Variants in CEACAM20 observed in about 807,000 individuals in gnomAD.
CEACAM20 encodes cell adhesion molecule CEACAM20.
In CEACAM20, 50 loss-of-function variants were observed where a neutral mutation model predicts 61.2. The observed-to-expected ratio is 0.82, with a 90% CI of 0.65 to 1.03. The LOEUF is 1.03. CEACAM20 is among the 50% of genes least tolerant of loss of function. CEACAM20 has a pLI of 0.00. For synonymous variants in CEACAM20, 282 were observed against 287.7 expected (o/e 0.98, Z 0.20); for missense variants, 683 against 736.4 (o/e 0.93, Z 0.84).
At chr19:44,510,541 A>G in intron 11 of CEACAM20, among the ~76,000 whole-genome samples, 1 of 58,206 alleles carries the variant, frequency 1.7e-5, no homozygotes. Flanking sequence ...GAAAGGAAGG[A>G]AGGAAGGAAA....
chr19:44,527,850 A>T (rs1396711690), intron 1 of CEACAM20, among the ~76,000 whole-genome samples: 2 of 152,180 alleles, frequency 1.3e-5, no homozygotes, highest in Non-Finnish European at 2.9e-5. Context: ...CTTCCAAAAT[A>T]CTTTTTTCAT....
chr19:44,525,056 A>T (rs780440995), intron 2 of CEACAM20, 45 bp downstream of exon 2: 1 of 1,598,674 alleles, frequency 6.3e-7, no homozygotes, highest in South Asian at 1.1e-5. Context: ...AGGGATCTCC[A>T]TGGAGGCAGA....
chr19:44,511,074 T>C lies in CEACAM20; in HGVS notation c.1693A>G (p.Arg565Gly). 6.2e-7 allele frequency: 1 copy of C among 1,613,978 alleles called. No individual in the cohort carries two copies. Among genetic ancestry groups the C allele is most frequent in the Non-Finnish European group, 8.5e-7 (1 of 1,179,872 alleles). The change falls in exon 11 of 12, where the codon AGA becomes GGA. Residue 565 changes from arginine to glycine, a missense_variant. Physicochemically the swap from Arg to Gly is moderately radical, Grantham distance 125. Coordinates refer to ENST00000614924, the MANE Select transcript of CEACAM20 (RefSeq NM_001102597.3). ...PPPKPLMPPLRLVSTVPKNME... is the reference protein window; with the variant it reads ...PPPKPLMPPLGLVSTVPKNME... ...TTTTTTGGCACAGTGGAGACCAATC[T>C]GAGTGGGGGCATCAGAGGTTTGGGT... is the stretch of plus-strand genomic sequence containing the variant.
chr19:44,519,578 T>G (rs1971291683), intron 5 of CEACAM20, among the ~76,000 whole-genome samples: 1 of 152,188 alleles, frequency 6.6e-6, no homozygotes, highest in South Asian at 2.1e-4. Context: ...TTTCGGTGGC[T>G]CAGGCAATAA....
At chr19:44,521,485 A>G (rs1479855264) in intron 4 of CEACAM20, among the ~76,000 whole-genome samples, 4 of 151,302 alleles carry the variant, frequency 2.6e-5, no homozygotes, top group African/African-American at 9.7e-5. Context: ...TGCGTTTTGT[A>G]TGTCATGTGT....
chr19:44,507,397 T>G (rs1970850011), intron 11 of CEACAM20, among the ~76,000 whole-genome samples: 1 of 152,230 alleles, frequency 6.6e-6, no homozygotes, highest in Non-Finnish European at 1.5e-5. Context: ...ATCTGATTCT[T>G]CTATGGAGAA....
Position 44,512,176 on chromosome 19 carries a change from G to T in CEACAM20, c.1514-98C>A, listed in dbSNP as rs1971022993. 3.5e-6 allele frequency: 3 copies of T among 869,548 alleles called. No homozygotes were observed. The South Asian group carries it at 4.4e-5, about 13-fold the overall frequency. 53.9% of individuals were successfully genotyped at this position (869,548 alleles called of 1,614,324 possible). On this transcript the variant is annotated intron_variant, in intron 8 of 11. Coordinates refer to ENST00000614924, the MANE Select transcript of CEACAM20 (RefSeq NM_001102597.3). ...CCCCTGACCCCAGGAAGGAAGTGCA[G>T]AAATCCTTCCCAGGACTCCCTGTCA...
intron 1 of CEACAM20, among the ~76,000 whole-genome samples, chr19:44,528,946 CTCTTTCTT>C (rs1187313589): frequency 7.7e-6 from 1 of 129,492 alleles, no homozygotes; most frequent in African/African-American, 3.0e-5. Flanking sequence ...CTGTATTTCT[CTCTTTCTT>C]TCTTTTTTTT....
chr19:44,512,814 T>C, intron 8 of CEACAM20, 54 bp downstream of exon 8: 1 of 1,483,702 alleles, frequency 6.7e-7, no homozygotes, highest in South Asian at 1.2e-5. Flanking sequence ...AGCACCAGCC[T>C]CTTCCCCAGC....
Position 44,513,442 on chromosome 19 carries a change from G to A in CEACAM20, c.1310-153C>T, listed in dbSNP as rs74817639. Among the ~76,000 whole-genome samples the A allele has an allele frequency of 4.8e-4, 50 of 103,426 alleles. 1 individual carries two copies. The South Asian group carries it at 0.016, about 33-fold the overall frequency. 67.9% of individuals were successfully genotyped at this position (103,426 alleles called of 152,430 possible). A position where few individuals can be genotyped will look rare whatever the true frequency, so the allele number is the denominator to read the frequency against. ...GTATCAGATTGTGGTTTTTGGTTTT[G>A]CTTTTTTTTTTTTTTTTTTCAGACA... is the stretch of plus-strand genomic sequence containing the variant. On this transcript the variant is annotated intron_variant, in intron 6 of 11. Coordinates refer to ENST00000614924, the MANE Select transcript of CEACAM20 (RefSeq NM_001102597.3).
intron 1 of CEACAM20, among the ~76,000 whole-genome samples, chr19:44,527,019 G>A (rs1246947445): frequency 1.3e-5 from 2 of 152,252 alleles, no homozygotes; most frequent in Admixed American, 1.3e-4. Flanking sequence ...CCCCAATGTG[G>A]CCCAAACACT....
chr19:44,507,614 G>A (rs760489649), intron 11 of CEACAM20, among the ~76,000 whole-genome samples: 1 of 152,166 alleles, frequency 6.6e-6, no homozygotes, highest in Non-Finnish European at 1.5e-5. Context: ...AGAGGCCCAG[G>A]AGTAATTTCT....
intron 1 of CEACAM20, among the ~76,000 whole-genome samples, chr19:44,528,154 TTTC>T (rs1052160822): frequency 8.7e-6 from 1 of 114,398 alleles, no homozygotes; most frequent in Admixed American, 9.0e-5. Context: ...CTTTTCTTTC[TTTC>T]TTTTCTTTCT....
intron 11 of CEACAM20, 29 bp from the exon 12 acceptor site, chr19:44,506,243 C>T (rs368316358): frequency 1.9e-6 from 3 of 1,607,456 alleles, no homozygotes; most frequent in Non-Finnish European, 2.6e-6. Flanking sequence ...ATGTGAGCTC[C>T]ATTTGCTAGG....
intron 5 of CEACAM20, among the ~76,000 whole-genome samples, chr19:44,518,134 G>GA (rs1971239279): frequency 9.5e-6 from 1 of 105,342 alleles, no homozygotes; most frequent in African/African-American, 4.4e-5. Flanking sequence ...AAGGAAGGAA[G>GA]GAAGGAAGGA....
chr19:44,522,993 A>C, intron 3 of CEACAM20, 81 bp from the exon 4 acceptor site: 1 of 1,204,950 alleles, frequency 8.3e-7, no homozygotes, highest in Non-Finnish European at 1.2e-6. Flanking sequence ...GGATCAATAA[A>C]TACTTTATTT....
In CEACAM20 at chr19:44,518,655, T is replaced by C. The variant is rs1315852129; in HGVS notation, c.1031-1431A>G. ...AAAATACTGGAAAGGATGCAAAAGG[T>C]TGCTAATTGAGACATTCTAGGAGGG... On this transcript the variant is annotated intron_variant, in intron 5 of 11. Coordinates refer to ENST00000614924, the MANE Select transcript of CEACAM20 (RefSeq NM_001102597.3). Among the ~76,000 whole-genome samples the C allele has an allele frequency of 2.6e-5, 4 of 152,048 alleles. No homozygotes were observed. The East Asian group carries it at 5.8e-4, about 22-fold the overall frequency.
intron 1 of CEACAM20, among the ~76,000 whole-genome samples, chr19:44,526,183 G>T (rs1971523759): frequency 6.6e-6 from 1 of 152,178 alleles, no homozygotes; most frequent in South Asian, 2.1e-4. Context: ...GATCTCACTT[G>T]CATGGGGAGG....
At chr19:44,511,325 T>C (rs2123559602) in intron 10 of CEACAM20, among the ~76,000 whole-genome samples, 170 bp from the exon 11 acceptor site, 1 of 152,262 alleles carries the variant, frequency 6.6e-6, no homozygotes, top group African/African-American at 2.4e-5. Flanking sequence ...GGCCCAGAAC[T>C]CTCCTTTTTC....
Sources: gnomAD v4.1 joint callset for allele counts (sites outside exome capture counted in the v4.1 genomes callset) on GRCh38, gnomAD v4.1.1 for gene constraint, MANE v1.5 for transcripts, NCBI Gene and HGNC (gene_info 2026-07-23, HGNC 2026-07-21) for gene names.